The following VPS35 variants were observed in gnomAD, a reference collection of about 807,000 sequenced individuals.
The protein encoded by VPS35 is VPS35 retromer complex component.
VPS35 carries 21 observed loss-of-function variants against 98.1 expected under a neutral mutation model. The observed-to-expected ratio is 0.21, with a 90% CI of 0.15 to 0.31. VPS35 has a LOEUF of 0.31. Ranked by LOEUF, VPS35 falls within the 10% of genes least tolerant of loss-of-function variation. VPS35 has a pLI of 1.00. For missense variants in VPS35, 554 were observed against 950.8 expected (o/e 0.58, Z 5.49); for synonymous variants, 268 against 318.2 (o/e 0.84, Z 1.68).
At chr16:46,689,006 GGGCT>G in intron 1 of VPS35, 121 bp downstream of exon 1, 1 of 1,548,262 alleles carries the variant, frequency 6.5e-7, no homozygotes, top group Non-Finnish European at 8.7e-7. Context: ...AGGCCAAATC[GGGCT>G]GGTCTTAATC....
intron 1 of VPS35, chr16:46,688,704 T>C: frequency 8.9e-7 from 1 of 1,127,994 alleles, no homozygotes; most frequent in East Asian, 5.8e-5. Flanking sequence ...GGCACAAAGG[T>C]AGAAACGCAA....
At chr16:46,677,570 C>T (rs1325567009) in intron 6 of VPS35, 172 bp from the exon 7 acceptor site, 3 of 605,144 alleles carry the variant, frequency 5.0e-6, no homozygotes, top group South Asian at 3.8e-5. Context: ...AGGTCTTGTT[C>T]GGTTGCCCAG....
intron 8 of VPS35, 120 bp from the exon 9 acceptor site, chr16:46,674,780 GT>G: frequency 1.7e-5 from 17 of 1,000,782 alleles, no homozygotes; most frequent in Middle Eastern, 3.1e-4. Context: ...AAAGGTTTTT[GT>G]TTTTTTTGTT....
Position 46,671,741 on chromosome 16 carries a change from A to G in VPS35, c.1488T>C (p.His496=), listed in dbSNP as rs776877370. 4.3e-6 allele frequency: 7 copies of G among 1,614,210 alleles called. No individual in the cohort carries two copies. The South Asian group carries it at 5.5e-5, about 13-fold the overall frequency. ...DEQSLVGRFI[H]LLRSEDPDQQ... ...GGTCAGGGTCCTCAGAGCGCAGCAG[A>G]TGAATGAAGCGGCCCACAAGGCTCT... The change falls in exon 12 of 17, where the codon CAT becomes CAC. Residue 496 remains histidine, a synonymous_variant. Coordinates refer to ENST00000299138, the MANE Select transcript of VPS35 (RefSeq NM_018206.6).
Position 46,689,137 on chromosome 16 carries a change from G to T in VPS35, c.-4C>A, listed in dbSNP as rs775449983. 1.9e-6 allele frequency: 3 copies of T among 1,609,006 alleles called. No homozygotes were observed. Among genetic ancestry groups the T allele is most frequent in the Non-Finnish European group, 2.5e-6 (3 of 1,178,602 alleles). On this transcript the variant is annotated 5_prime_UTR_variant, in exon 1 of 17. Coordinates refer to ENST00000299138, the MANE Select transcript of VPS35 (RefSeq NM_018206.6). ...CTGCCCCCTCAGCACTCACCATGGC[G>T]ACTCCCCAGAGCCTGCAGCAAGCAG...
chr16:46,677,527 C>G, intron 6 of VPS35, 129 bp from the exon 7 acceptor site: 1 of 805,028 alleles, frequency 1.2e-6, no homozygotes. Flanking sequence ...GACTTCACTT[C>G]TAAACTTTAA....
chr16:46,687,130 G>C (rs1049768214), intron 1 of VPS35, among the ~76,000 whole-genome samples: 3 of 152,190 alleles, frequency 2.0e-5, no homozygotes, highest in Admixed American at 6.5e-5. Flanking sequence ...ACTTATGTTA[G>C]AAACCTATTG....
At chr16:46,674,254 A>G (rs1966109262) in intron 10 of VPS35, 60 bp downstream of exon 10, 2 of 1,588,760 alleles carry the variant, frequency 1.3e-6, no homozygotes, top group Non-Finnish European at 8.6e-7. Flanking sequence ...ATTGAGAAAG[A>G]AAAGCAAATC....
intron 10 of VPS35, among the ~76,000 whole-genome samples, chr16:46,673,000 C>T (rs1353278304): frequency 6.6e-6 from 1 of 152,086 alleles, no homozygotes; most frequent in Non-Finnish European, 1.5e-5. Flanking sequence ...GATATTGAGG[C>T]ATATTGGGGC....
intron 12 of VPS35, among the ~76,000 whole-genome samples, chr16:46,670,435 C>G (rs1457899315): frequency 1.3e-5 from 2 of 152,116 alleles, no homozygotes; most frequent in Admixed American, 6.6e-5. Flanking sequence ...AGGCGCCCAC[C>G]ACCACGCCCA....
chr16:46,688,449 ATTT>A lies in VPS35; in HGVS notation c.3+679_3+681del, dbSNP rs758671098. On this transcript the variant is annotated intron_variant, in intron 1 of 16. Transcript: ENST00000299138. ...TGCTTCCAGCAAGTCAAATACTTGGATTTTATCAATGGCGAGACAAAAGAGGCA... is the reference window on the plus strand; with the variant it reads ...TGCTTCCAGCAAGTCAAATACTTGGATATCAATGGCGAGACAAAAGAGGCA... 231 of 987,106 alleles carry A rather than the reference ATTT, an allele frequency of 2.3e-4. 1 individual carries two copies. Among genetic ancestry groups the A allele is most frequent in the Non-Finnish European group, 2.6e-4 (212 of 830,072 alleles). 61.1% of individuals were successfully genotyped at this position (987,106 alleles called of 1,614,324 possible).
At position 46,662,493 on chromosome 16, in the gene VPS35, T is replaced by C; in HGVS notation, c.1828-11A>G. 2 of 1,613,426 alleles carry C rather than the reference T, an allele frequency of 1.2e-6. No individual in the cohort carries two copies. The highest frequency in any genetic ancestry group is 1.7e-6 in the Non-Finnish European group (2 of 1,180,012). On this transcript the variant is annotated splice_polypyrimidine_tract_variant and intron_variant, in intron 14 of 16. Coordinates refer to ENST00000299138, the MANE Select transcript of VPS35 (RefSeq NM_018206.6). Reference sequence around the variant, plus strand: ...ATACAGAGAAAATGCCTAGTGAACATAAAGCAGAAAGGACTTTCAAGGACC... The same window carrying C: ...ATACAGAGAAAATGCCTAGTGAACACAAAGCAGAAAGGACTTTCAAGGACC...
intron 12 of VPS35, 142 bp downstream of exon 12, chr16:46,671,563 C>T: frequency 8.1e-7 from 1 of 1,237,864 alleles, no homozygotes; most frequent in Non-Finnish European, 1.1e-6. Context: ...CCTCCGCCTC[C>T]CAGGTTCAAG....
rs770819201 is a variant in VPS35 at position 46,663,034 on chromosome 16, C to T, written c.1776G>A (p.Gly592=). ...RLFLQGALAA[G]EIGFENHETV... is the part of the protein sequence containing the mutation. ...TCTCATGATTTTCAAAACCAATTTC[C>T]CCAGCAGCTAGTGCTCCTTGAAGAA... Residue 592 remains glycine (G), a synonymous_variant, in exon 14 of 17, where the codon GGG becomes GGA. Transcript: ENST00000299138. 1 of 1,614,164 alleles carries T rather than the reference C, an allele frequency of 6.2e-7. No individual in the cohort carries two copies. Among genetic ancestry groups the T allele is most frequent in the East Asian group, 2.2e-5 (1 of 44,886 alleles).
rs1021409720 is a variant in VPS35, at chr16:46,660,006, A to T, written c.*466T>A. 1 of 153,578 alleles carries T rather than the reference A, an allele frequency of 6.5e-6. No individual in the cohort carries two copies. Among genetic ancestry groups the T allele is most frequent in the Non-Finnish European group, 1.4e-5 (1 of 69,064 alleles). The allele number at this position is 153,578 out of a possible 1,614,324, so 9.5% of individuals were successfully genotyped here. ...CAATTTAGGGGAAAGCCCAAGATGA[A>T]TTTCACATACAGTATTCCTTTCTTC... On this transcript the variant is annotated 3_prime_UTR_variant, in exon 17 of 17. Transcript: ENST00000299138.
intron 3 of VPS35, 101 bp downstream of exon 3, chr16:46,681,978 A>G (rs1190280390): frequency 1.1e-6 from 1 of 873,148 alleles, no homozygotes; most frequent in Non-Finnish European, 1.9e-6. Context: ...ATAACGAAGA[A>G]TAAGATAACT....
intron 1 of VPS35, 99 bp from the exon 2 acceptor site, chr16:46,683,705 G>T: frequency 1.6e-6 from 2 of 1,240,568 alleles, no homozygotes; most frequent in Non-Finnish European, 2.3e-6. Flanking sequence ...ACAATGTCCA[G>T]CTCTATACCT....
rs919390270 is a variant in VPS35, at chr16:46,661,232, A to C, written c.2211+486T>G. ...AAGGATACTGCGTTTAGGAATTATT[A>C]TTATTATTATTTTTGAGACGGAGTT... On this transcript the variant is annotated intron_variant, in intron 16 of 16. Coordinates refer to ENST00000299138, the MANE Select transcript of VPS35 (RefSeq NM_018206.6). This position sits in a 1 kb window ranked among gnomAD's most constrained non-coding sequence, Gnocchi z 4.3. Among the ~76,000 whole-genome samples the C allele has an allele frequency of 3.3e-5, 5 of 152,086 alleles. No individual in the cohort carries two copies. The highest frequency in any genetic ancestry group is 4.8e-5 in the African/African-American group (2 of 41,410).
chr16:46,688,990 T>A, intron 1 of VPS35, 141 bp downstream of exon 1: 1 of 1,540,734 alleles, frequency 6.5e-7, no homozygotes, highest in Non-Finnish European at 8.8e-7. Flanking sequence ...CTGTCCCCTA[T>A]CCCGCAGGCC....
Sources: gnomAD v4.1 joint callset for allele counts (sites outside exome capture counted in the v4.1 genomes callset) on GRCh38, gnomAD v4.1.1 for gene constraint, Gnocchi (gnomAD v3.1) non-coding constraint, MANE v1.5 for transcripts, NCBI Gene and HGNC (gene_info 2026-07-23, HGNC 2026-07-21) for gene names.